Variants in P3H3 observed in about 807,000 individuals in gnomAD.
P3H3 encodes gene rich cluster, B.
In P3H3, 64 loss-of-function variants were observed where a neutral mutation model predicts 78.1. The observed-to-expected ratio is 0.82, with a 90% CI of 0.67 to 1.01. The LOEUF (loss-of-function observed/expected upper bound fraction) is 1.01, where lower values mean the gene tolerates loss of function less well. Ranked by LOEUF, P3H3 falls within the 50% of genes least tolerant of loss-of-function variation. The pLI, the probability that P3H3 is intolerant of heterozygous loss-of-function variation, is 0.00. For synonymous variants in P3H3, 425 were observed against 416.7 expected (o/e 1.02, Z -0.24); for missense variants, 975 against 982.2 (o/e 0.99, Z 0.10).
At position 6,831,006 on chromosome 12, in the gene P3H3, T is replaced by C; in HGVS notation, c.986-210T>C. The C allele has an allele frequency of 1.2e-6, 1 of 826,862 alleles. No homozygotes were observed. Among genetic ancestry groups the C allele is most frequent in the Non-Finnish European group, 2.0e-6 (1 of 492,718 alleles). 51.2% of individuals were successfully genotyped at this position (826,862 alleles called of 1,614,324 possible). On this transcript the variant is annotated intron_variant, in intron 4 of 14. Transcript: ENST00000290510. The surrounding 1 kb of genome is among the most constrained non-coding windows in gnomAD (Gnocchi z 4.6). Reference sequence around the variant, plus strand: ...TCACCTTCCTTTATTTTCCCCCCTCTTGCTCTTCTTTGAACTCTCCAGCTA... The same window carrying C: ...TCACCTTCCTTTATTTTCCCCCCTCCTGCTCTTCTTTGAACTCTCCAGCTA...
At chr12:6,835,351 G>A (rs1324960172) in intron 9 of P3H3, among the ~76,000 whole-genome samples, 2 of 152,166 alleles carry the variant, frequency 1.3e-5, no homozygotes, top group Non-Finnish European at 2.9e-5. Flanking sequence ...AGGAGGTCAA[G>A]GCAGGTGGAT....
chr12:6,830,015 A>G lies in P3H3; in HGVS notation c.651+4A>G. The G allele has an allele frequency of 6.2e-7, 1 of 1,613,674 alleles. No individual in the cohort carries two copies. Among genetic ancestry groups the G allele is most frequent in the South Asian group, 1.1e-5 (1 of 91,080 alleles). On this transcript the variant is annotated splice_donor_region_variant and intron_variant, in intron 2 of 14. Coordinates refer to ENST00000290510, the MANE Select transcript of P3H3 (RefSeq NM_014262.5). Reference sequence around the variant, plus strand: ...CCTGGAGACGCCCCCACACTGGGTGAGAATCCCAGCACCACCCCTGTCTTG... The same window carrying G: ...CCTGGAGACGCCCCCACACTGGGTGGGAATCCCAGCACCACCCCTGTCTTG...
chr12:6,830,276 C>T, intron 2 of P3H3, 77 bp from the exon 3 acceptor site: 1 of 1,411,670 alleles, frequency 7.1e-7, no homozygotes, highest in Non-Finnish European at 9.8e-7. Flanking sequence ...CAAATGAGAC[C>T]AACACCCCTC....
chr12:6,835,636 G>T (rs1943488896), intron 9 of P3H3, among the ~76,000 whole-genome samples: 1 of 151,874 alleles, frequency 6.6e-6, no homozygotes, highest in African/African-American at 2.4e-5. Context: ...AATTAAAAAA[G>T]AACATAGAAT....
Position 6,829,957 on chromosome 12 carries a change from A to C in P3H3, c.597A>C (p.Arg199=), listed in dbSNP as rs1337796586. The C allele has an allele frequency of 4.3e-6, 7 of 1,613,870 alleles. No homozygotes were observed. Among genetic ancestry groups the C allele is most frequent in the African/African-American group, 1.3e-5 (1 of 74,936 alleles). ...GGGAGGACATGGCTAAGTACAGACGAATGTCGGGAGTTCGGCCCCAGAGCT... is the reference window on the plus strand; with the variant it reads ...GGGAGGACATGGCTAAGTACAGACGCATGTCGGGAGTTCGGCCCCAGAGCT... The part of the protein sequence containing the change: ...QMREDMAKYR[R]MSGVRPQSFR... The change falls in exon 2 of 15, where the codon CGA becomes CGC. Residue 199 remains arginine, a synonymous_variant. Coordinates refer to ENST00000290510, the MANE Select transcript of P3H3 (RefSeq NM_014262.5). This position sits in a 1 kb window ranked among gnomAD's most constrained non-coding sequence, Gnocchi z 5.1.
At position 6,831,476 on chromosome 12, in the gene P3H3, C is replaced by T. The variant is rs1555121422; in HGVS notation, c.1122+124C>T. On this transcript the variant is annotated intron_variant, in intron 5 of 14. Coordinates refer to ENST00000290510, the MANE Select transcript of P3H3 (RefSeq NM_014262.5). This position sits in a 1 kb window ranked among gnomAD's most constrained non-coding sequence, Gnocchi z 4.6. ...GAGCACTCTAGTCACCCAAAGGACTCCAAGTCCAGCATCTGACTTCCGTCT... is the reference window on the plus strand; with the variant it reads ...GAGCACTCTAGTCACCCAAAGGACTTCAAGTCCAGCATCTGACTTCCGTCT... The T allele has an allele frequency of 7.5e-7, 1 of 1,338,084 alleles. No homozygotes were observed. Among genetic ancestry groups the T allele is most frequent in the Non-Finnish European group, 1.0e-6 (1 of 989,046 alleles). The allele number at this position is 1,338,084 out of a possible 1,614,324, so 82.9% of individuals were successfully genotyped here. A position where few individuals can be genotyped will look rare whatever the true frequency, so the allele number is the denominator to read the frequency against.
chr12:6,837,624 AG>A lies in P3H3; in HGVS notation c.1711+53del. ...TTCTCCAACCTCAGGCCCTGCCCCC[AG>A]GACACTGCCCCCAAGAGCCCCGGGG... On this transcript the variant is annotated intron_variant, in intron 11 of 14. Transcript: ENST00000290510. The A allele has an allele frequency of 1.9e-6, 3 of 1,593,330 alleles. No homozygotes were observed. In the South Asian group the frequency reaches 3.4e-5, roughly 18 times the overall value.
At position 6,831,895 on chromosome 12, in the gene P3H3, G is replaced by A. The variant is rs1394849730; in HGVS notation, c.1193G>A (p.Gly398Glu). 8.7e-6 allele frequency: 14 copies of A among 1,603,476 alleles called. No homozygotes were observed. Among genetic ancestry groups the A allele is most frequent in the Admixed American group, 1.7e-5 (1 of 59,354 alleles). The change falls in exon 6 of 15, where the codon GGG becomes GAG. Residue 398 changes from glycine (G) to glutamate (E), a missense_variant. Gly to Glu is a moderately conservative substitution (Grantham distance 98, BLOSUM62 -2). Coordinates refer to ENST00000290510, the MANE Select transcript of P3H3 (RefSeq NM_014262.5). This position sits in a 1 kb window ranked among gnomAD's most constrained non-coding sequence, Gnocchi z 4.6. ...RQLYYAMEHL[G>E]TSFKDPDPWT... is the part of the protein sequence containing the mutation. ...CTCTACTATGCCATGGAGCACCTGG[G>A]GACCAGCTTCAAGGATCCTGTGAGT... is the stretch of plus-strand genomic sequence containing the variant.
In P3H3 at chr12:6,831,481, TC is replaced by T; in HGVS notation, c.1122+131del. The T allele has an allele frequency of 7.6e-7, 1 of 1,307,838 alleles. No homozygotes were observed. The highest frequency in any genetic ancestry group is 1.0e-6 in the Non-Finnish European group (1 of 963,462). 81.0% of individuals were successfully genotyped at this position (1,307,838 alleles called of 1,614,324 possible). ...CTCTAGTCACCCAAAGGACTCCAAG[TC>T]CAGCATCTGACTTCCGTCTCCACTC... On this transcript the variant is annotated intron_variant, in intron 5 of 14. Transcript: ENST00000290510. This position sits in a 1 kb window ranked among gnomAD's most constrained non-coding sequence, Gnocchi z 4.6.
intron 6 of P3H3, 123 bp from the exon 7 acceptor site, chr12:6,833,469 C>G (rs1555121700): frequency 2.3e-5 from 22 of 954,308 alleles, no homozygotes; most frequent in Admixed American, 1.2e-4. Flanking sequence ...GAGTCCCGGG[C>G]TTTTCCTACC....
Position 6,833,723 on chromosome 12 carries a change from C to T in P3H3, c.1266-19C>T, listed in dbSNP as rs370014576. 7.9e-5 allele frequency: 127 copies of T among 1,598,804 alleles called. No homozygotes were observed. The highest frequency in any genetic ancestry group is 1.0e-4 in the Non-Finnish European group (122 of 1,166,354). On this transcript the variant is annotated intron_variant, in intron 7 of 14. Coordinates refer to ENST00000290510, the MANE Select transcript of P3H3 (RefSeq NM_014262.5). The stretch of plus-strand genomic sequence containing the variant: ...TGGACTGTCCTGGGCACCCACTGAG[C>T]GCATCTCTCACCCCTGAGAGAGGAT...
chr12:6,830,254 G>T, intron 2 of P3H3, 99 bp from the exon 3 acceptor site: 1 of 1,202,728 alleles, frequency 8.3e-7, no homozygotes. Flanking sequence ...GAGGGACATG[G>T]AGTCCTTGCC....
chr12:6,838,741 C>T (rs1943526703), intron 13 of P3H3, among the ~76,000 whole-genome samples: 1 of 152,258 alleles, frequency 6.6e-6, no homozygotes, highest in South Asian at 2.1e-4. Context: ...AATCAGGGTA[C>T]CAGGGGTCAG....
In P3H3 at chr12:6,837,457, C is replaced by T; in HGVS notation, c.1595C>T (p.Ala532Val). 6.2e-7 allele frequency: 1 copy of T among 1,611,746 alleles called. No individual in the cohort carries two copies. Among genetic ancestry groups the T allele is most frequent in the South Asian group, 1.1e-5 (1 of 90,488 alleles). Residue 532 changes from alanine to valine, a missense_variant, in exon 11 of 15, where the codon GCT becomes GTT. Coordinates refer to ENST00000290510, the MANE Select transcript of P3H3 (RefSeq NM_014262.5). ...ARAGTVGSQG[A>V]KLLLEVSERV... ...GCTGGGACAGTGGGCAGTCAGGGTG[C>T]TAAGCTGCTTCTGGAGGTGAGCGAG...
Position 6,837,967 on chromosome 12 carries a change from C to T in P3H3, c.1839C>T (p.Leu613=), listed in dbSNP as rs1943517285. Residue 613 remains leucine, a synonymous_variant, in exon 13 of 15, where the codon CTC becomes CTT. Transcript: ENST00000290510. ...TTTTTTCCCTCCCCAGCGGACTCCTCTACCTCAACGATGACTTCCAGGGTG... is the reference window on the plus strand; with the variant it reads ...TTTTTTCCCTCCCCAGCGGACTCCTTTACCTCAACGATGACTTCCAGGGTG... The part of the protein sequence containing the change: ...AYTYRDYSGL[L]YLNDDFQGGD... 6.2e-7 allele frequency: 1 copy of T among 1,607,414 alleles called. No individual in the cohort carries two copies. The highest frequency in any genetic ancestry group is 8.5e-7 in the Non-Finnish European group (1 of 1,176,858).
Position 6,839,441 on chromosome 12 carries a change from C to T in P3H3, c.2191C>T (p.Arg731Trp), listed in dbSNP as rs948731933. The T allele has an allele frequency of 5.2e-6, 8 of 1,551,300 alleles. No homozygotes were observed. Among genetic ancestry groups the T allele is most frequent in the Admixed American group, 3.9e-5 (2 of 50,978 alleles). The change falls in exon 15 of 15, where the codon CGG (arginine) becomes TGG (tryptophan). Residue 731 changes from arginine (R) to tryptophan (W), a missense_variant. Transcript: ENST00000290510. Reference sequence around the variant, plus strand: ...CCAAGACAAGACTGGAAGGGCACCTCGGGTTCGGGAGGAGCTGTGAGTGGC... The same window carrying T: ...CCAAGACAAGACTGGAAGGGCACCTTGGGTTCGGGAGGAGCTGTGAGTGGC... Reference protein sequence around the residue: ...RVQDKTGRAPRVREEL With the variant: ...RVQDKTGRAPWVREEL
chr12:6,831,712 C>A lies in P3H3; in HGVS notation c.1123-113C>A. On this transcript the variant is annotated intron_variant, in intron 5 of 14. Coordinates refer to ENST00000290510, the MANE Select transcript of P3H3 (RefSeq NM_014262.5). This position sits in a 1 kb window ranked among gnomAD's most constrained non-coding sequence, Gnocchi z 4.6. ...GAGGGGGAACGTTGAACAGAGGAAC[C>A]GGGGGGCATGGTGCCAGGTTCAAGG... 1 of 739,272 alleles carries A rather than the reference C, an allele frequency of 1.4e-6. No individual in the cohort carries two copies. Among genetic ancestry groups the A allele is most frequent in the Admixed American group, 2.2e-5 (1 of 44,908 alleles). 45.8% of individuals were successfully genotyped at this position (739,272 alleles called of 1,614,324 possible).
chr12:6,833,269 C>T (rs1327742390), intron 6 of P3H3, among the ~76,000 whole-genome samples: 4 of 152,290 alleles, frequency 2.6e-5, no homozygotes, highest in Non-Finnish European at 5.9e-5. Context: ...TTCTCTGTGT[C>T]TCAGGGCTCT....
chr12:6,832,431 G>A (rs1943458658), intron 6 of P3H3, among the ~76,000 whole-genome samples: 2 of 152,048 alleles, frequency 1.3e-5, no homozygotes, highest in African/African-American at 4.8e-5. Flanking sequence ...GCCTTGGAGG[G>A]TGTTCAGCAG....
Sources: gnomAD v4.1 joint callset for allele counts (sites outside exome capture counted in the v4.1 genomes callset) on GRCh38, gnomAD v4.1.1 for gene constraint, Gnocchi (gnomAD v3.1) non-coding constraint, MANE v1.5 for transcripts, NCBI Gene and HGNC (gene_info 2026-07-23, HGNC 2026-07-21) for gene names.